ZNF717: variants seen among roughly 807,000 people sequenced by gnomAD.
ZNF717 encodes zinc finger protein 717.
In ZNF717, 9 loss-of-function variants were observed where a neutral mutation model predicts 13.8. The observed-to-expected ratio is 0.65, with a 90% confidence interval of 0.39 to 1.14. The LOEUF (loss-of-function observed/expected upper bound fraction) is 1.14. ZNF717 is among the 50% of genes most tolerant of loss of function. ZNF717 has a pLI of 0.01. For synonymous variants in ZNF717, 327 were observed against 364.1 expected, an observed-to-expected ratio of 0.90 and a Z score of 1.16; for missense variants, 1,040 against 1,080.7, an observed-to-expected ratio of 0.96 and a Z score of 0.53.
In ZNF717 at chr3:75,737,728, G is replaced by C. The variant is rs1205523372; in HGVS notation, c.1895C>G (p.Ser632Ter). The C allele has an allele frequency of 3.9e-6, 6 of 1,546,054 alleles. No homozygotes were observed. The African/African-American group carries it at 6.9e-5, about 18-fold the overall frequency. ...AGTTCCCTGATGGGTGCTGAGATTTGACTTCTGACGAAAGGTTTTTCCACA... is the reference window on the plus strand; with the variant it reads ...AGTTCCCTGATGGGTGCTGAGATTTCACTTCTGACGAAAGGTTTTTCCACA... The part of the protein sequence containing the change: ...NECGKTFRQK[S>*]NLSTHQGTHT... The change falls in exon 5 of 5, where the codon TCA becomes TGA. Residue 632 changes from serine (S) to a stop codon, truncating the protein, a stop_gained. Transcript: ENST00000652011. LOFTEE classifies it low-confidence loss of function (END_TRUNC).
chr3:75,745,751 ATGT>A (rs1941095953), intron 2 of ZNF717, among the ~76,000 whole-genome samples: 1 of 151,110 alleles, frequency 6.6e-6, no homozygotes, highest in Admixed American at 6.6e-5. Flanking sequence ...TTCACTTAAC[ATGT>A]TGTCCTCCAG....
chr3:75,777,423 C>T (rs28429231), intron 2 of ZNF717, among the ~76,000 whole-genome samples: 1 of 150,522 alleles, frequency 6.6e-6, no homozygotes, highest in East Asian at 2.0e-4. Flanking sequence ...GAACCCAAAA[C>T]AATGGGAGTG....
downstream of ZNF717, among the ~76,000 whole-genome samples, chr3:75,725,012 T>C (rs1363486210): frequency 1.1e-4 from 16 of 152,284 alleles, no homozygotes; most frequent in East Asian, 2.3e-3. Flanking sequence ...ACCCTCACAC[T>C]CTCTCATCTG....
intron 6 of ZNF717, among the ~76,000 whole-genome samples, chr3:75,697,392 G>T (rs1231745478): frequency 2.6e-5 from 4 of 152,280 alleles, no homozygotes; most frequent in Admixed American, 1.3e-4. Flanking sequence ...TAATCATCGG[G>T]GTGGATTACT....
chr3:75,735,206 A>G (rs1221436862), downstream of ZNF717, among the ~76,000 whole-genome samples: 3 of 152,232 alleles, frequency 2.0e-5, no homozygotes, highest in Admixed American at 1.3e-4. Flanking sequence ...AAGACATAGG[A>G]ATATGAGAGA....
At chr3:75,747,081 T>C (rs1442221877) in intron 2 of ZNF717, among the ~76,000 whole-genome samples, 1 of 152,192 alleles carries the variant, frequency 6.6e-6, no homozygotes, top group Non-Finnish European at 1.5e-5. Context: ...TTTCTACATA[T>C]GGCTAGCCAG....
Position 75,765,628 on chromosome 3 carries a change from T to A in ZNF717, c.57+17678A>T, listed in dbSNP as rs185897070. On this transcript the variant is annotated intron_variant, in intron 2 of 4. Coordinates refer to ENST00000652011, the MANE Select transcript of ZNF717 (RefSeq NM_001290208.3). The stretch of plus-strand genomic sequence containing the variant: ...AGGGTTTTGCCATGTTGCAGGCTGG[T>A]CTCCACCTCCTGGGCTCAAGCAATC... Among the ~76,000 whole-genome samples the A allele has an allele frequency of 3.2e-3, 481 of 151,452 alleles. 1 individual carries two copies. The highest frequency in any genetic ancestry group is 0.011 in the African/African-American group (442 of 41,304).
chr3:75,719,918 A>G (rs113180707), intron 4 of ZNF717, among the ~76,000 whole-genome samples: 3 of 151,848 alleles, frequency 2.0e-5, no homozygotes, highest in African/African-American at 7.3e-5. Flanking sequence ...AGATGGTGCC[A>G]TTGCACTCCA....
intron 2 of ZNF717, among the ~76,000 whole-genome samples, chr3:75,765,007 A>C (rs954628494): frequency 7.5e-5 from 2 of 26,784 alleles, no homozygotes; most frequent in African/African-American, 1.2e-4. Flanking sequence ...ATATATATAT[A>C]TATATATATA....
chr3:75,754,182 AT>A (rs2107475064), intron 2 of ZNF717, among the ~76,000 whole-genome samples: 1 of 152,350 alleles, frequency 6.6e-6, no homozygotes, highest in Non-Finnish European at 1.5e-5. Context: ...TTGTTTATGA[AT>A]TACTCAGTCT....
At position 75,738,071 on chromosome 3, in the gene ZNF717, A is replaced by G. The variant is rs78680336; in HGVS notation, c.1552T>C (p.Cys518Arg). 2 of 1,345,182 alleles carry G rather than the reference A, an allele frequency of 1.5e-6. No homozygotes were observed. The highest frequency in any genetic ancestry group is 2.0e-6 in the Non-Finnish European group (2 of 1,007,804). 83.3% of individuals were successfully genotyped at this position (1,345,182 alleles called of 1,614,324 possible). A position where few individuals can be genotyped will look rare whatever the true frequency, so the allele number is the denominator to read the frequency against. ...ECNECGKTFR[C>R]KSFLTVHQRT... ...TGATGGACAGTGAGGAATGACTTAC[A>G]GCGAAAGGTTTTCCCACATTCATTG... The change falls in exon 5 of 5, where the codon TGT (cysteine) becomes CGT (arginine). Residue 518 changes from cysteine to arginine, a missense_variant. Cys to Arg is a radical substitution (Grantham distance 180). Around this residue, in one of 3 missense-constraint regions of ZNF717, gnomAD observed 873 missense variants for 832.8 expected, o/e 1.05. Transcript: ENST00000652011.
At position 75,738,876 on chromosome 3, in the gene ZNF717, T is replaced by C. The variant is rs1278666720; in HGVS notation, c.747A>G (p.Ser249=). ...YNEYEKACNN[S]AVIVQVITQV... ...GAGTTATCACTTGGACAATAACAGC[T>C]GAGTTATTACAGGCTTTCTCATATT... is the stretch of plus-strand genomic sequence containing the variant. Residue 249 remains serine (S), a synonymous_variant, in exon 5 of 5, where the codon TCA becomes TCG. Transcript: ENST00000652011. 2 of 1,551,452 alleles carry C rather than the reference T, an allele frequency of 1.3e-6. No homozygotes were observed. The highest frequency in any genetic ancestry group is 1.4e-5 in the African/African-American group (1 of 73,058).
intron 2 of ZNF717, among the ~76,000 whole-genome samples, chr3:75,757,248 A>G (rs1486596583): frequency 6.6e-6 from 1 of 152,204 alleles, no homozygotes; most frequent in Non-Finnish European, 1.5e-5. Context: ...GCTAGGGAGG[A>G]GTTGATGCCT....
intron 2 of ZNF717, among the ~76,000 whole-genome samples, chr3:75,771,680 C>G (rs139866355): frequency 1.3e-5 from 2 of 149,180 alleles, no homozygotes; most frequent in Admixed American, 6.7e-5. Context: ...TGGGGCTGTG[C>G]GCTCCTCGAA....
At chr3:75,733,778 CAAAAAA>C (rs56196464), downstream of ZNF717, among the ~76,000 whole-genome samples, 225 of 26,656 alleles carry the variant, frequency 8.4e-3, 3 homozygotes, top group African/African-American at 0.033. Flanking sequence ...GACTCTATCT[CAAAAAA>C]AAAAAAAAAA....
chr3:75,713,592 T>G (rs1236137597), intron 5 of ZNF717, among the ~76,000 whole-genome samples: 1 of 152,190 alleles, frequency 6.6e-6, no homozygotes, highest in Non-Finnish European at 1.5e-5. Context: ...CATATGGGTA[T>G]AAAAATCCAT....
chr3:75,741,230 G>A, intron 4 of ZNF717, 46 bp downstream of exon 4: 3 of 1,191,578 alleles, frequency 2.5e-6, no homozygotes, highest in Non-Finnish European at 3.7e-6. Context: ...AAAATTTGCT[G>A]GGCATTACTC....
chr3:75,732,492 C>T (rs1241063267), downstream of ZNF717, among the ~76,000 whole-genome samples: 5 of 152,140 alleles, frequency 3.3e-5, no homozygotes, highest in African/African-American at 9.7e-5. Context: ...AGGGGTGGGA[C>T]CTTTGAAAGG....
intron 2 of ZNF717, among the ~76,000 whole-genome samples, chr3:75,756,861 A>C (rs1942535264): frequency 6.6e-6 from 1 of 152,140 alleles, no homozygotes; most frequent in African/African-American, 2.4e-5. Context: ...TTTTTAGTAG[A>C]GACGGGGTTT....
Sources: gnomAD v4.1 joint callset for allele counts (sites outside exome capture counted in the v4.1 genomes callset) on GRCh38, gnomAD v4.1.1 for gene constraint, gnomAD v4.1.1 regional missense constraint, MANE v1.5 for transcripts, NCBI Gene and HGNC (gene_info 2026-07-23, HGNC 2026-07-21) for gene names.